FGD5: variants seen among roughly 807,000 people sequenced by gnomAD.
The protein encoded by FGD5 is FYVE, RhoGEF and PH domain-containing protein 5.
Under a neutral mutation model 133.4 loss-of-function variants are expected in FGD5, and 28 were observed. The ratio of observed to expected loss-of-function variants is 0.21; its 90% CI spans 0.16 to 0.29. The LOEUF (loss-of-function observed/expected upper bound fraction) is 0.29. Among genes scored for constraint, FGD5 ranks in the 10% least tolerant of loss-of-function variants. The pLI is 1.00. For missense variants in FGD5, 1,858 were observed against 1,895.2 expected, an observed-to-expected ratio of 0.98 and a Z score of 0.36; for synonymous variants, 810 against 776.5, an observed-to-expected ratio of 1.04 and a Z score of -0.72.
At chr3:14,906,250 G>T (rs2038339567) in intron 9 of FGD5, among the ~76,000 whole-genome samples, 1 of 152,204 alleles carries the variant, frequency 6.6e-6, no homozygotes, top group Non-Finnish European at 1.5e-5. Flanking sequence ...TACATCTGAA[G>T]CAGGGCCTGT....
At position 14,819,391 on chromosome 3, in the gene FGD5, A is replaced by G. The variant is rs2036435201; in HGVS notation, c.320A>G (p.Glu107Gly). 6.5e-7 allele frequency: 1 copy of G among 1,549,932 alleles called. No homozygotes were observed. The highest frequency in any genetic ancestry group is 2.0e-5 in the Admixed American group (1 of 50,860). ...GAAGAGGAGCGTGAAGAGGGAGGCG[A>G]GGCATGTGGCCTGGAGGGTACAGGA... ...EEEEEREEGGEACGLEGTGAG... is the reference protein window; with the variant it reads ...EEEEEREEGGGACGLEGTGAG... The change falls in exon 1 of 20, where the codon GAG (glutamate) becomes GGG (glycine). Residue 107 changes from glutamate (E) to glycine (G), a missense_variant. By Grantham distance (98) the Glu-to-Gly change is moderately conservative (BLOSUM62 -2). Transcript: ENST00000285046. The surrounding 1 kb of genome is among the most constrained non-coding windows in gnomAD (Gnocchi z 4.1).
chr3:14,848,064 A>G (rs2037085063), intron 1 of FGD5, among the ~76,000 whole-genome samples: 1 of 152,160 alleles, frequency 6.6e-6, no homozygotes, highest in South Asian at 2.1e-4. Context: ...CAACACTGCC[A>G]GGTCCTCCCC....
intron 11 of FGD5, among the ~76,000 whole-genome samples, chr3:14,913,304 C>CCGCTGA (rs1271341043): frequency 1.3e-5 from 2 of 152,170 alleles, no homozygotes; most frequent in Non-Finnish European, 2.9e-5. Flanking sequence ...TTCTCCCTTC[C>CCGCTGA]CGCTGACAGT....
In FGD5 at chr3:14,907,708, A is replaced by G; in HGVS notation, c.3333A>G (p.Gly1111=). The stretch of plus-strand genomic sequence containing the variant: ...GCCAAGGGGATCTCCTCCAGCCAGG[A>G]AGGGTGAGTGCCGCCACCATGGGTA... ...VRGQGDLLQP[G]REFLKEGTLM... The change falls in exon 10 of 20, where the codon GGA becomes GGG. Residue 1111 remains glycine (G), a synonymous_variant. Coordinates refer to ENST00000285046, the MANE Select transcript of FGD5 (RefSeq NM_152536.4). 1 of 1,613,538 alleles carries G rather than the reference A, an allele frequency of 6.2e-7. No individual in the cohort carries two copies. Among genetic ancestry groups the G allele is most frequent in the Admixed American group, 1.7e-5 (1 of 59,988 alleles).
chr3:14,869,786 A>G (rs908404657), intron 2 of FGD5, among the ~76,000 whole-genome samples: 1 of 152,068 alleles, frequency 6.6e-6, no homozygotes, highest in Non-Finnish European at 1.5e-5. Flanking sequence ...CCCCTTTAAT[A>G]CTGAGTTTGA....
chr3:14,875,904 T>C (rs1425782462), intron 2 of FGD5, among the ~76,000 whole-genome samples: 2 of 151,858 alleles, frequency 1.3e-5, no homozygotes, highest in Non-Finnish European at 2.9e-5. Context: ...AGGTGTGAAC[T>C]GATGGGGGTG....
intron 1 of FGD5, among the ~76,000 whole-genome samples, chr3:14,853,117 C>G (rs1318435930): frequency 6.6e-6 from 1 of 152,176 alleles, no homozygotes; most frequent in Non-Finnish European, 1.5e-5. Context: ...TTGCGCTGTG[C>G]TTTGTCTTCC....
chr3:14,931,630 A>C (rs1358340752), intron 18 of FGD5: 1 of 152,222 alleles, frequency 6.6e-6, no homozygotes, highest in Non-Finnish European at 1.5e-5. Context: ...ACTGTGTATA[A>C]AAATGTCTTT....
At chr3:14,844,394 G>T (rs990680118) in intron 1 of FGD5, among the ~76,000 whole-genome samples, 2 of 149,496 alleles carry the variant, frequency 1.3e-5, no homozygotes, top group Non-Finnish European at 3.0e-5. Flanking sequence ...GAGAAACACT[G>T]CCCTGTACCG....
intron 1 of FGD5, among the ~76,000 whole-genome samples, chr3:14,863,352 C>T (rs1352545331): frequency 6.6e-6 from 1 of 151,954 alleles, no homozygotes; most frequent in African/African-American, 2.4e-5. Context: ...AGAGCCCCTG[C>T]TGTGGGGATC....
intron 4 of FGD5, among the ~76,000 whole-genome samples, chr3:14,893,450 C>A (rs926164952): frequency 3.3e-5 from 5 of 152,136 alleles, no homozygotes; most frequent in African/African-American, 4.8e-5. Context: ...CTCCTGGGCT[C>A]AAGCAATCTT....
chr3:14,891,190 G>A (rs2038019573), intron 4 of FGD5, among the ~76,000 whole-genome samples: 1 of 152,192 alleles, frequency 6.6e-6, no homozygotes, highest in African/African-American at 2.4e-5. Context: ...AGACTCACGG[G>A]GAAAGAGTTG....
chr3:14,843,008 G>C (rs190810024), intron 1 of FGD5, among the ~76,000 whole-genome samples: 2 of 152,134 alleles, frequency 1.3e-5, no homozygotes, highest in African/African-American at 4.8e-5. Context: ...ATATTTTTAA[G>C]TGTTTGTTAT....
intron 2 of FGD5, among the ~76,000 whole-genome samples, chr3:14,868,439 T>C (rs921646198): frequency 5.3e-5 from 8 of 152,212 alleles, no homozygotes; most frequent in Non-Finnish European, 1.2e-4. Flanking sequence ...GTGTCCCTGG[T>C]CCTTGCACCT....
At chr3:14,812,249 CT>C (rs1383508514) in intron 1 of FGD5, among the ~76,000 whole-genome samples, 1 of 152,010 alleles carries the variant, frequency 6.6e-6, no homozygotes. Context: ...GGGGGTGCCA[CT>C]TTGTGGGAAT....
chr3:14,821,726 G>C (rs2036508335), intron 1 of FGD5, 130 bp downstream of exon 1: 7 of 1,303,706 alleles, frequency 5.4e-6, no homozygotes, highest in Non-Finnish European at 7.1e-6. Context: ...TTGACTTGGG[G>C]TGAGTGGCTT....
intron 2 of FGD5, among the ~76,000 whole-genome samples, chr3:14,866,003 T>C (rs965327812): frequency 3.3e-5 from 5 of 152,190 alleles, no homozygotes; most frequent in African/African-American, 1.2e-4. Flanking sequence ...GTCCCCACCC[T>C]GAAACCAGGA....
chr3:14,900,368 C>T (rs770310772), intron 7 of FGD5, 35 bp from the exon 8 acceptor site: 1 of 1,609,292 alleles, frequency 6.2e-7, no homozygotes, highest in Non-Finnish European at 8.5e-7. Flanking sequence ...CTGACCTCAC[C>T]AGTAGCTGAC....
chr3:14,856,460 G>C (rs1018503794), intron 1 of FGD5, among the ~76,000 whole-genome samples: 2 of 152,000 alleles, frequency 1.3e-5, no homozygotes, highest in African/African-American at 4.8e-5. Flanking sequence ...AATTGCTTTG[G>C]GTAAGTATTG....
Sources: gnomAD v4.1 joint callset for allele counts (sites outside exome capture counted in the v4.1 genomes callset) on GRCh38, gnomAD v4.1.1 for gene constraint, Gnocchi (gnomAD v3.1) non-coding constraint, MANE v1.5 for transcripts, NCBI Gene and HGNC (gene_info 2026-07-23, HGNC 2026-07-21) for gene names.